FAM135B: variants seen among roughly 807,000 people sequenced by gnomAD.
The protein encoded by FAM135B is family with sequence similarity 135 member B, also known as protein FAM135B.
Under a neutral mutation model 127.7 loss-of-function variants are expected in FAM135B, and 43 were observed. The observed-to-expected ratio is 0.34, with a 90% CI of 0.26 to 0.43. FAM135B has a LOEUF of 0.43. FAM135B is among the 20% of genes least tolerant of loss of function. FAM135B has a pLI of 1.00. For synonymous variants in FAM135B, 670 were observed against 665.1 expected (o/e 1.01, Z -0.11); for missense variants, 1,558 against 1,725.6 (o/e 0.90, Z 1.72).
intron 1 of FAM135B, among the ~76,000 whole-genome samples, chr8:138,454,444 T>A (rs982214865): frequency 2.6e-5 from 4 of 152,168 alleles, no homozygotes; most frequent in African/African-American, 9.6e-5. Flanking sequence ...AACTGTCAAA[T>A]TCCAGCCTCT....
At chr8:138,469,022 C>G (rs12677063) in intron 1 of FAM135B, among the ~76,000 whole-genome samples, 3 of 149,938 alleles carry the variant, frequency 2.0e-5, no homozygotes, top group African/African-American at 7.4e-5. Context: ...CCAGCCTGGG[C>G]GACAGAACAA....
chr8:138,219,367 A>G (rs1325355162), intron 7 of FAM135B, among the ~76,000 whole-genome samples: 2 of 152,172 alleles, frequency 1.3e-5, no homozygotes, highest in East Asian at 3.9e-4. Flanking sequence ...TGTAACTTCT[A>G]ACATTGTTAA....
intron 1 of FAM135B, among the ~76,000 whole-genome samples, chr8:138,407,596 T>C (rs1833596846): frequency 6.6e-6 from 1 of 152,096 alleles, no homozygotes; most frequent in Non-Finnish European, 1.5e-5. Context: ...CCCTCAGAAA[T>C]AATGCTGCAT....
At chr8:138,267,341 C>T (rs1473592817) in intron 3 of FAM135B, among the ~76,000 whole-genome samples, 3 of 152,162 alleles carry the variant, frequency 2.0e-5, no homozygotes, top group South Asian at 2.1e-4. Context: ...GTGAAAAATA[C>T]ATTTCTGTGG....
At chr8:138,462,318 G>A (rs17674188) in intron 1 of FAM135B, among the ~76,000 whole-genome samples, 66,189 of 151,878 alleles carry the variant, frequency 0.44, 16,450 homozygotes, top group East Asian at 0.76. Flanking sequence ...TTTTGTTTTC[G>A]TAACTGTGCA....
chr8:138,186,758 G>A (rs537581785), intron 9 of FAM135B, among the ~76,000 whole-genome samples: 10 of 152,342 alleles, frequency 6.6e-5, no homozygotes, highest in Admixed American at 6.5e-4. Context: ...CCCTAGAAGA[G>A]GAAGGCAATT....
intron 3 of FAM135B, among the ~76,000 whole-genome samples, chr8:138,306,246 C>A (rs1181266066): frequency 6.6e-6 from 1 of 151,792 alleles, no homozygotes; most frequent in African/African-American, 2.4e-5. Flanking sequence ...ACCAGCCTGG[C>A]CAACATGGTA....
intron 1 of FAM135B, among the ~76,000 whole-genome samples, chr8:138,476,757 G>T (rs1442416315): frequency 6.6e-6 from 1 of 152,016 alleles, no homozygotes; most frequent in East Asian, 1.9e-4. Context: ...TTCCCCTTGT[G>T]CATTAAGAAT....
intron 3 of FAM135B, among the ~76,000 whole-genome samples, chr8:138,296,261 CA>C (rs1399035819): frequency 6.6e-6 from 1 of 152,186 alleles, no homozygotes; most frequent in Non-Finnish European, 1.5e-5. Context: ...GGCTTCCTTT[CA>C]AATTTCACAG....
chr8:138,143,378 C>T (rs745735545), intron 15 of FAM135B, among the ~76,000 whole-genome samples: 5 of 152,184 alleles, frequency 3.3e-5, no homozygotes, highest in East Asian at 3.9e-4. Context: ...TGCCACACCA[C>T]GTGCCTGGCG....
At chr8:138,454,078 G>A (rs996347166) in intron 1 of FAM135B, among the ~76,000 whole-genome samples, 2 of 151,980 alleles carry the variant, frequency 1.3e-5, no homozygotes, top group South Asian at 2.1e-4. Flanking sequence ...TAGTCCAGAC[G>A]GGATGCAGGA....
intron 1 of FAM135B, among the ~76,000 whole-genome samples, chr8:138,390,082 T>C (rs1436753871): frequency 6.6e-6 from 1 of 152,228 alleles, no homozygotes; most frequent in Middle Eastern, 3.2e-3. Flanking sequence ...TTTCCAGACT[T>C]AGCAAATAAA....
Position 138,242,283 on chromosome 8 carries a change from A to T in FAM135B, c.669+659T>A. Among the ~76,000 whole-genome samples, 1 of 147,338 alleles carries T rather than the reference A, an allele frequency of 6.8e-6. No individual in the cohort carries two copies. The highest frequency in any genetic ancestry group is 2.0e-4 in the East Asian group (1 of 5,014). On this transcript the variant is annotated intron_variant, in intron 7 of 19. Transcript: ENST00000395297. The surrounding 1 kb of genome is among the most constrained non-coding windows in gnomAD (Gnocchi z 9.6). ...GAATAATACAGGCTGTTTATTTATGAGTAGGCCACTAATAAAAACATAGCA... is the reference window on the plus strand; with the variant it reads ...GAATAATACAGGCTGTTTATTTATGTGTAGGCCACTAATAAAAACATAGCA...
chr8:138,184,169 G>C lies in FAM135B; in HGVS notation c.874-5479C>G, dbSNP rs190641035. 1.3e-3 allele frequency among the ~76,000 whole-genome samples: 196 copies of C among 152,298 alleles called. 1 individual carries two copies. The highest frequency in any genetic ancestry group is 4.6e-3 in the African/African-American group (191 of 41,572). ...AATAAAAACAAGGTGAGATGGGATA[G>C]CCCGGGCAGAGGCCATAGCTTGCAG... On this transcript the variant is annotated intron_variant, in intron 9 of 19. Transcript: ENST00000395297.
intron 1 of FAM135B, among the ~76,000 whole-genome samples, chr8:138,383,611 G>A (rs1050042424): frequency 3.8e-4 from 58 of 152,266 alleles, no homozygotes; most frequent in Middle Eastern, 3.4e-3. Flanking sequence ...TGCTTCTTTC[G>A]TTTAATCTTC....
chr8:138,377,491 G>C (rs1831557883), intron 1 of FAM135B, among the ~76,000 whole-genome samples: 1 of 152,146 alleles, frequency 6.6e-6, no homozygotes, highest in African/African-American at 2.4e-5. Flanking sequence ...CATGGTAGAA[G>C]GACTGAAGGC....
intron 1 of FAM135B, chr8:138,425,411 T>C (rs1483688459): frequency 6.6e-6 from 1 of 152,138 alleles, no homozygotes; most frequent in Non-Finnish European, 1.5e-5. Flanking sequence ...AAAAGGTAAA[T>C]ATTATTCTGA....
chr8:138,329,089 A>G (rs1296075112), intron 2 of FAM135B, among the ~76,000 whole-genome samples: 1 of 152,250 alleles, frequency 6.6e-6, no homozygotes, highest in African/African-American at 2.4e-5. Context: ...CCATAAACAA[A>G]CAGCCACATA....
chr8:138,273,238 C>T (rs958695027), intron 3 of FAM135B, among the ~76,000 whole-genome samples: 1 of 152,188 alleles, frequency 6.6e-6, no homozygotes, highest in African/African-American at 2.4e-5. Context: ...TGGAGTCTCA[C>T]TCTGTAGCCC....
Sources: gnomAD v4.1 joint callset for allele counts (sites outside exome capture counted in the v4.1 genomes callset) on GRCh38, gnomAD v4.1.1 for gene constraint, Gnocchi (gnomAD v3.1) non-coding constraint, MANE v1.5 for transcripts, NCBI Gene and HGNC (gene_info 2026-07-23, HGNC 2026-07-21) for gene names.